Variants in HDAC4 observed in about 807,000 individuals in gnomAD.
HDAC4 encodes the protein histone deacetylase 4.
In HDAC4, 16 loss-of-function variants were observed where a neutral mutation model predicts 135.1. That is an observed-to-expected ratio of 0.12 (90% confidence interval 0.08 to 0.18). HDAC4 has a LOEUF of 0.18. HDAC4 is among the 10% of genes least tolerant of loss of function. The pLI, the probability that HDAC4 is intolerant of heterozygous loss-of-function variation, is 1.00. For synonymous variants in HDAC4, 685 were observed against 653.4 expected (o/e 1.05, Z -0.74); for missense variants, 1,143 against 1,511.8 (o/e 0.76, Z 4.05).
rs567514264 is a variant in HDAC4, at chr2:239,115,447, G to A, written c.1534-137C>T. On this transcript the variant is annotated intron_variant, in intron 12 of 26. Transcript: ENST00000543185. This position sits in a 1 kb window ranked among gnomAD's most constrained non-coding sequence, Gnocchi z 6.3. ...AGGGCACCTTATCACCCTGCCACAG[G>A]CCAGCAGGCACCTTTATCTCCCAAC... The A allele has an allele frequency of 2.5e-4, 260 of 1,057,742 alleles. 1 individual carries two copies. In the African/African-American group the frequency reaches 3.6e-3, roughly 15 times the overall value. 65.5% of individuals were successfully genotyped at this position (1,057,742 alleles called of 1,614,324 possible). A position where few individuals can be genotyped will look rare whatever the true frequency, so the allele number is the denominator to read the frequency against.
rs2038967582 is a variant in HDAC4 at position 239,114,649 on chromosome 2, G to C, written c.1791+404C>G. ...TCATTAGCACCTCTGGGTCACAAAA[G>C]GTCTTGACTTCTGATCAGGCCCTGC... is the stretch of plus-strand genomic sequence containing the variant. On this transcript the variant is annotated intron_variant, in intron 13 of 26. Coordinates refer to ENST00000543185, the MANE Select transcript of HDAC4 (RefSeq NM_001378414.1). Among the ~76,000 whole-genome samples, 3 of 152,300 alleles carry C rather than the reference G, an allele frequency of 2.0e-5. No homozygotes were observed. In the South Asian group the frequency reaches 6.2e-4, roughly 32 times the overall value.
intron 20 of HDAC4, 138 bp from the exon 21 acceptor site, chr2:239,082,359 C>T (rs1419599574): frequency 9.3e-6 from 11 of 1,186,278 alleles, no homozygotes; most frequent in South Asian, 5.0e-5. Context: ...CAGCTGGGCC[C>T]GTACCCGGCA....
intron 2 of HDAC4, among the ~76,000 whole-genome samples, chr2:239,243,415 G>A (rs1394537435): frequency 6.6e-6 from 1 of 152,190 alleles, no homozygotes; most frequent in African/African-American, 2.4e-5. Flanking sequence ...GCCTCCCAAA[G>A]TGCTGGGATT....
At chr2:239,105,256 A>G (rs1392187830) in intron 15 of HDAC4, among the ~76,000 whole-genome samples, 1 of 152,218 alleles carries the variant, frequency 6.6e-6, no homozygotes, top group Non-Finnish European at 1.5e-5. Flanking sequence ...TCTCTGTGGC[A>G]TCTGACTTCC....
chr2:239,238,917 A>G (rs1361705649), intron 2 of HDAC4, among the ~76,000 whole-genome samples: 1 of 152,112 alleles, frequency 6.6e-6, no homozygotes, highest in Non-Finnish European at 1.5e-5. Context: ...CGTCCCACCT[A>G]CCCTTCAAGA....
chr2:239,351,021 C>T (rs1344073910), intron 2 of HDAC4, among the ~76,000 whole-genome samples: 1 of 152,136 alleles, frequency 6.6e-6, no homozygotes, highest in Non-Finnish European at 1.5e-5. Flanking sequence ...AGAGACTGAA[C>T]CTACCCAGTG....
Position 239,167,714 on chromosome 2 carries a change from A to G in HDAC4, c.491-3791T>C, listed in dbSNP as rs2152981428. ...AACAAATGGATAGCAGATCTCCCTA[A>G]TTTTTACTTTTACTTTTTTTTTTTT... On this transcript the variant is annotated intron_variant, in intron 5 of 26. Coordinates refer to ENST00000543185, the MANE Select transcript of HDAC4 (RefSeq NM_001378414.1). This position sits in a 1 kb window ranked among gnomAD's most constrained non-coding sequence, Gnocchi z 4.1. Among the ~76,000 whole-genome samples, 1 of 150,352 alleles carries G rather than the reference A, an allele frequency of 6.7e-6. No homozygotes were observed. The highest frequency in any genetic ancestry group is 1.5e-5 in the Non-Finnish European group (1 of 67,596).
chr2:239,355,224 T>G (rs1475726077), intron 1 of HDAC4, among the ~76,000 whole-genome samples: 1 of 152,208 alleles, frequency 6.6e-6, no homozygotes, highest in Non-Finnish European at 1.5e-5. Context: ...TGTTCTTCAA[T>G]TATGTCACTG....
intron 22 of HDAC4, among the ~76,000 whole-genome samples, chr2:239,078,313 C>G (rs1046761519): frequency 6.6e-6 from 1 of 152,200 alleles, no homozygotes; most frequent in Non-Finnish European, 1.5e-5. Context: ...CTTATCTTTT[C>G]TTCGTCTTAG....
intron 6 of HDAC4, among the ~76,000 whole-genome samples, chr2:239,163,095 G>A (rs1038230621): frequency 7.6e-4 from 104 of 136,310 alleles, no homozygotes; most frequent in Non-Finnish European, 8.3e-4. Flanking sequence ...ACTCTCCCCC[G>A]AAGGCCTTCT....
chr2:239,120,310 G>A (rs1217615868), intron 12 of HDAC4, among the ~76,000 whole-genome samples: 7 of 152,004 alleles, frequency 4.6e-5, no homozygotes, highest in Admixed American at 1.3e-4. Flanking sequence ...CAGTGGTAGG[G>A]TGTCGGGAAG....
At chr2:239,149,313 T>C (rs1197080519) in intron 7 of HDAC4, among the ~76,000 whole-genome samples, 1 of 151,160 alleles carries the variant, frequency 6.6e-6, no homozygotes, top group Non-Finnish European at 1.5e-5. Flanking sequence ...AGCAGGAGAA[T>C]CCCCTGAACC....
intron 6 of HDAC4, among the ~76,000 whole-genome samples, chr2:239,157,216 A>C (rs1219935586): frequency 6.6e-6 from 1 of 152,246 alleles, no homozygotes; most frequent in Non-Finnish European, 1.5e-5. Flanking sequence ...GACGGGGCAA[A>C]AAACGGTCTA....
chr2:239,291,167 T>C (rs1256252349), intron 2 of HDAC4, among the ~76,000 whole-genome samples: 1 of 152,240 alleles, frequency 6.6e-6, no homozygotes, highest in Non-Finnish European at 1.5e-5. Context: ...GGGGTCCTTG[T>C]TCAGCCCCCT....
chr2:239,231,121 T>C (rs1246355899), intron 3 of HDAC4, among the ~76,000 whole-genome samples: 1 of 152,194 alleles, frequency 6.6e-6, no homozygotes. Flanking sequence ...AGAGTTTTCT[T>C]TTAAAAATGG....
Position 239,068,427 on chromosome 2 carries a change from G to T in HDAC4, c.2869+62C>A. 1.7e-6 allele frequency: 2 copies of T among 1,202,402 alleles called. No individual in the cohort carries two copies. The highest frequency in any genetic ancestry group is 1.2e-5 in the South Asian group (1 of 82,900). The allele number at this position is 1,202,402 out of a possible 1,614,324, so 74.5% of individuals were successfully genotyped here. On this transcript the variant is annotated intron_variant, in intron 23 of 26. Transcript: ENST00000543185. This position sits in a 1 kb window ranked among gnomAD's most constrained non-coding sequence, Gnocchi z 4.4. ...TATTAAAAAGGGGACCTGACACGCG[G>T]AACACAGCGGATCATGGACATGAGC...
In HDAC4 at chr2:239,134,619, C is replaced by A. The variant is rs755774329; in HGVS notation, c.1003G>T (p.Ala335Ser). Residue 335 changes from alanine (A) to serine (S), a missense_variant, in exon 10 of 27, where the codon GCA becomes TCA. Ala to Ser is a moderately conservative substitution (Grantham distance 99). Transcript: ENST00000543185. Reference protein sequence around the residue: ...AETSLAHRLVAREGSAAPLPL... With the variant: ...AETSLAHRLVSREGSAAPLPL... ...AGTGGAGCGGCCGAGCCTTCTCGTG[C>A]CACAAGTCTGTGCGCCAAACTCGTC... 6.2e-7 allele frequency: 1 copy of A among 1,614,144 alleles called. No individual in the cohort carries two copies.
chr2:239,096,374 C>CCA lies in HDAC4; in HGVS notation c.2234-1319_2234-1318insTG, dbSNP rs1229707553. ...CCCCACCGACAGATGCCTGCAACCCCCCCCGACACCTGCAACCTCCCCACA... is the reference window on the plus strand; with the variant it reads ...CCCCACCGACAGATGCCTGCAACCCCCACCCCGACACCTGCAACCTCCCCACA... On this transcript the variant is annotated intron_variant, in intron 16 of 26. Transcript: ENST00000543185. 2.3e-5 allele frequency among the ~76,000 whole-genome samples: 3 copies of CCA among 132,374 alleles called. No individual in the cohort carries two copies. The South Asian group carries it at 8.1e-4, about 36-fold the overall frequency. The allele number at this position is 132,374 out of a possible 152,430, so 86.8% of individuals were successfully genotyped here. A position where few individuals can be genotyped will look rare whatever the true frequency, so the allele number is the denominator to read the frequency against.
In HDAC4 at chr2:239,096,194, G is replaced by A. The variant is rs577272278; in HGVS notation, c.2234-1138C>T. On this transcript the variant is annotated intron_variant, in intron 16 of 26. Transcript: ENST00000543185. The stretch of plus-strand genomic sequence containing the variant: ...GAGGGCTTGCCGGCCCGGTTAGCAC[G>A]AGAGGAACCCTTCCTCAGGGAACAG... Among the ~76,000 whole-genome samples, 269 of 152,238 alleles carry A rather than the reference G, an allele frequency of 1.8e-3. 1 individual carries two copies. Among genetic ancestry groups the A allele is most frequent in the African/African-American group, 6.0e-3 (248 of 41,534 alleles).
Sources: gnomAD v4.1 joint callset for allele counts (sites outside exome capture counted in the v4.1 genomes callset) on GRCh38, gnomAD v4.1.1 for gene constraint, Gnocchi (gnomAD v3.1) non-coding constraint, MANE v1.5 for transcripts, NCBI Gene and HGNC (gene_info 2026-07-23, HGNC 2026-07-21) for gene names.